Variants in COBL observed in about 807,000 individuals in gnomAD.
The protein encoded by COBL is cordon-bleu WH2 repeat protein.
In COBL, 51 loss-of-function variants were observed where a neutral mutation model predicts 98.8. The ratio of observed to expected loss-of-function variants is 0.52; its 90% confidence interval spans 0.41 to 0.65. The LOEUF is 0.65. Among genes scored for constraint, COBL ranks in the 30% least tolerant of loss-of-function variants. The pLI is 0.00. For synonymous variants in COBL, 634 were observed against 651.7 expected (o/e 0.97, Z 0.41); for missense variants, 1,617 against 1,617.5 (o/e 1.00, Z 0.01).
chr7:51,302,855 A>C (rs1802108734), intron 1 of COBL, among the ~76,000 whole-genome samples: 1 of 152,200 alleles, frequency 6.6e-6, no homozygotes, highest in African/African-American at 2.4e-5. Context: ...GACGCTATAC[A>C]GGGCACCAAG....
intron 5 of COBL, among the ~76,000 whole-genome samples, chr7:51,143,296 A>T (rs1249447048): frequency 2.0e-5 from 3 of 152,174 alleles, no homozygotes; most frequent in Admixed American, 1.3e-4. Flanking sequence ...GGGAAAAATG[A>T]GGTTCCAACT....
At chr7:51,060,318 T>C (rs533306437) in intron 7 of COBL, among the ~76,000 whole-genome samples, 1 of 152,374 alleles carries the variant, frequency 6.6e-6, no homozygotes, top group South Asian at 2.1e-4. Flanking sequence ...CTACTATCAG[T>C]AGCTTGACTT....
At chr7:51,246,837 T>A (rs1796311312) in intron 1 of COBL, among the ~76,000 whole-genome samples, 1 of 152,198 alleles carries the variant, frequency 6.6e-6, no homozygotes, top group African/African-American at 2.4e-5. Flanking sequence ...TTTTTAATTA[T>A]TTTTAAACTA....
At chr7:51,225,287 A>C (rs1386436679) in intron 1 of COBL, among the ~76,000 whole-genome samples, 1 of 152,206 alleles carries the variant, frequency 6.6e-6, no homozygotes, top group African/African-American at 2.4e-5. Flanking sequence ...CCTTTCTCAA[A>C]CATCTGTGCA....
intron 6 of COBL, among the ~76,000 whole-genome samples, chr7:51,100,718 T>C (rs1266555804): frequency 6.6e-6 from 1 of 152,120 alleles, no homozygotes; most frequent in South Asian, 2.1e-4. Flanking sequence ...CTGACCAACA[T>C]GGTGAAACCC....
chr7:51,221,036 CA>C (rs1203645015), intron 1 of COBL, among the ~76,000 whole-genome samples: 3 of 152,106 alleles, frequency 2.0e-5, no homozygotes, highest in African/African-American at 7.2e-5. Flanking sequence ...ACTTAACATC[CA>C]CTAGGACCTA....
intron 6 of COBL, among the ~76,000 whole-genome samples, chr7:51,120,643 A>T (rs761269807): frequency 2.0e-4 from 30 of 149,804 alleles, no homozygotes; most frequent in Non-Finnish European, 2.5e-4. Context: ...CCCAATTCCC[A>T]CCCCCCAGGC....
chr7:51,257,686 A>C (rs1797323772), intron 1 of COBL, among the ~76,000 whole-genome samples: 1 of 152,172 alleles, frequency 6.6e-6, no homozygotes, highest in African/African-American at 2.4e-5. Context: ...ATGTATACAT[A>C]AAATATATTT....
chr7:51,241,118 G>C (rs960758823), intron 1 of COBL, among the ~76,000 whole-genome samples: 1 of 152,334 alleles, frequency 6.6e-6, no homozygotes, highest in East Asian at 1.9e-4. Context: ...ACAAACACGA[G>C]TGGGCACAGC....
chr7:51,123,633 A>G (rs1194047068), intron 6 of COBL, among the ~76,000 whole-genome samples: 1 of 152,206 alleles, frequency 6.6e-6, no homozygotes, highest in Non-Finnish European at 1.5e-5. Context: ...GCAGGGGTAC[A>G]TTTTTCCTTC....
chr7:51,159,415 G>A (rs1786554711), intron 5 of COBL, among the ~76,000 whole-genome samples: 1 of 152,208 alleles, frequency 6.6e-6, no homozygotes, highest in African/African-American at 2.4e-5. Context: ...TGGCGGAGAT[G>A]TCATCTCCTA....
intron 1 of COBL, among the ~76,000 whole-genome samples, chr7:51,278,250 A>C (rs562679498): frequency 6.6e-6 from 1 of 152,250 alleles, no homozygotes; most frequent in African/African-American, 2.4e-5. Flanking sequence ...TGAATTGAGA[A>C]GCCGTCCCAA....
chr7:51,226,942 A>G (rs529029604), intron 1 of COBL, among the ~76,000 whole-genome samples: 58 of 152,240 alleles, frequency 3.8e-4, no homozygotes, highest in Admixed American at 1.2e-3. Context: ...TCTCACAATC[A>G]CACAGCTGGA....
chr7:51,235,544 C>T (rs892015818), intron 1 of COBL, among the ~76,000 whole-genome samples: 6 of 152,140 alleles, frequency 3.9e-5, no homozygotes, highest in Non-Finnish European at 7.3e-5. Flanking sequence ...GCTGCAAGTG[C>T]GTGATTTCCA....
intron 1 of COBL, among the ~76,000 whole-genome samples, chr7:51,284,701 T>C (rs916836445): frequency 2.0e-5 from 3 of 150,150 alleles, no homozygotes; most frequent in African/African-American, 7.3e-5. Flanking sequence ...GTGGCATGCA[T>C]CTGTACTCCC....
intron 6 of COBL, among the ~76,000 whole-genome samples, chr7:51,115,192 A>T (rs1208033876): frequency 6.6e-6 from 1 of 152,124 alleles, no homozygotes; most frequent in Admixed American, 6.5e-5. Flanking sequence ...ATCAATCTAG[A>T]TATGTTGATC....
At chr7:51,109,494 C>T (rs888677888) in intron 6 of COBL, among the ~76,000 whole-genome samples, 7 of 152,092 alleles carry the variant, frequency 4.6e-5, no homozygotes, top group African/African-American at 1.7e-4. Flanking sequence ...CTGTGACAGT[C>T]CTAAAATCCC....
chr7:51,114,154 C>G (rs184490749), intron 6 of COBL, among the ~76,000 whole-genome samples: 1 of 152,178 alleles, frequency 6.6e-6, no homozygotes, highest in African/African-American at 2.4e-5. Flanking sequence ...CACAAGTCTA[C>G]GCTTGCCACA....
chr7:51,134,050 G>T lies in COBL; in HGVS notation c.957+2108C>A, dbSNP rs114778130. On this transcript the variant is annotated intron_variant, in intron 6 of 12. Transcript: ENST00000265136. ...ACCTTTCCTCCTTGTTCAGGACACT[G>T]GTGTTAGTAACAGTTGCATATAAAT... is the stretch of plus-strand genomic sequence containing the variant. Among the ~76,000 whole-genome samples the T allele has an allele frequency of 7.3e-3, 1,104 of 152,224 alleles. 13 individuals are homozygous for T. Among genetic ancestry groups the T allele is most frequent in the African/African-American group, 0.026 (1,072 of 41,522 alleles).
Sources: gnomAD v4.1 joint callset for allele counts (sites outside exome capture counted in the v4.1 genomes callset) on GRCh38, gnomAD v4.1.1 for gene constraint, MANE v1.5 for transcripts, NCBI Gene and HGNC (gene_info 2026-07-23, HGNC 2026-07-21) for gene names.